The following CDC25C variants were observed in gnomAD, a reference collection of about 807,000 sequenced individuals.
CDC25C encodes cell division cycle 25C, also known as M-phase inducer phosphatase 3.
CDC25C carries 48 observed loss-of-function variants against 52.5 expected under a neutral mutation model. The ratio of observed to expected loss-of-function variants is 0.91; its 90% confidence interval spans 0.72 to 1.16. CDC25C has a LOEUF of 1.16. Ranked by LOEUF, CDC25C falls within the 50% of genes most tolerant of loss-of-function variation. CDC25C has a pLI of 0.00. For synonymous variants in CDC25C, 187 were observed against 206.5 expected, an observed-to-expected ratio of 0.91 and a Z score of 0.81; for missense variants, 510 against 566.1, an observed-to-expected ratio of 0.90 and a Z score of 1.01.
At chr5:138,289,855 A>G (rs1756562868) in intron 9 of CDC25C, among the ~76,000 whole-genome samples, 1 of 151,742 alleles carries the variant, frequency 6.6e-6, no homozygotes, top group Admixed American at 6.6e-5. Flanking sequence ...GGATTTATGA[A>G]GAAATTATGA....
rs1326585714 is a variant in CDC25C at position 138,316,210 on chromosome 5, C to G, written c.615+3009G>C. ...GGGGCCCAGGAAGGCCTCCCCACCACCCCCATATCCCCACTTCTCTCTGCT... is the reference window on the plus strand; with the variant it reads ...GGGGCCCAGGAAGGCCTCCCCACCAGCCCCATATCCCCACTTCTCTCTGCT... On this transcript the variant is annotated intron_variant, in intron 7 of 13. Transcript: ENST00000323760. 2.0e-5 allele frequency among the ~76,000 whole-genome samples: 3 copies of G among 152,216 alleles called. No homozygotes were observed. In the East Asian group the frequency reaches 5.8e-4, roughly 29 times the overall value.
At chr5:138,293,589 T>C (rs1005578812) in intron 7 of CDC25C, among the ~76,000 whole-genome samples, 1 of 151,930 alleles carries the variant, frequency 6.6e-6, no homozygotes, top group Non-Finnish European at 1.5e-5. Flanking sequence ...CACACCATAA[T>C]AATTATGCTA....
At chr5:138,318,158 G>A (rs11567980) in intron 7 of CDC25C, among the ~76,000 whole-genome samples, 45,736 of 151,840 alleles carry the variant, frequency 0.3, 7,716 homozygotes, top group South Asian at 0.45. Context: ...GCAAAACCCC[G>A]TCTCTACTAA....
At chr5:138,326,197 A>T (rs1759844310) in intron 4 of CDC25C, 143 bp from the exon 5 acceptor site, 2 of 839,074 alleles carry the variant, frequency 2.4e-6, no homozygotes, top group Admixed American at 3.7e-5. Context: ...ACAACAATAC[A>T]TAGGGTATTC....
chr5:138,299,383 C>T (rs975927727), intron 7 of CDC25C, among the ~76,000 whole-genome samples: 12 of 149,722 alleles, frequency 8.0e-5, no homozygotes, highest in Non-Finnish European at 1.6e-4. Flanking sequence ...GTAATCTCAA[C>T]TACTTGGGAG....
At chr5:138,296,920 T>C (rs1373094772) in intron 7 of CDC25C, among the ~76,000 whole-genome samples, 1 of 137,978 alleles carries the variant, frequency 7.2e-6, no homozygotes, top group Non-Finnish European at 1.6e-5. Flanking sequence ...TTTTTTTTTT[T>C]TTTTTTTTTA....
chr5:138,290,409 A>G (rs1756610054), intron 9 of CDC25C, among the ~76,000 whole-genome samples: 1 of 152,138 alleles, frequency 6.6e-6, no homozygotes, highest in African/African-American at 2.4e-5. Context: ...TTTTAAACAG[A>G]AAAAAGGTAA....
chr5:138,286,466 A>G, intron 12 of CDC25C, 31 bp downstream of exon 12: 1 of 1,586,746 alleles, frequency 6.3e-7, no homozygotes, highest in Non-Finnish European at 8.6e-7. Context: ...ATCCATTTCC[A>G]TCACCCGCCA....
intron 2 of CDC25C, 81 bp downstream of exon 2, chr5:138,330,906 A>G: frequency 1.0e-6 from 1 of 977,648 alleles, no homozygotes; most frequent in Non-Finnish European, 1.6e-6. Flanking sequence ...GAGCCGGGAT[A>G]ATTGAAAACA....
At chr5:138,292,684 T>A (rs1253359757) in intron 7 of CDC25C, among the ~76,000 whole-genome samples, 1 of 151,680 alleles carries the variant, frequency 6.6e-6, no homozygotes, top group African/African-American at 2.4e-5. Context: ...ATGAAACCCA[T>A]CAGGGAAAAA....
chr5:138,328,619 C>A, intron 3 of CDC25C, 90 bp from the exon 4 acceptor site: 1 of 1,065,052 alleles, frequency 9.4e-7, no homozygotes, highest in South Asian at 1.3e-5. Context: ...ACCAGTAAGC[C>A]GTATTAATTT....
intron 10 of CDC25C, among the ~76,000 whole-genome samples, chr5:138,287,888 AT>A (rs1756381708): frequency 6.6e-6 from 1 of 152,232 alleles, no homozygotes; most frequent in Non-Finnish European, 1.5e-5. Context: ...ATTGTTTTAT[AT>A]TATCAATATA....
In CDC25C at chr5:138,327,744, G is replaced by A. The variant is rs1031396286; in HGVS notation, c.335+740C>T. 5.3e-5 allele frequency among the ~76,000 whole-genome samples: 8 copies of A among 151,846 alleles called. No individual in the cohort carries two copies. In the South Asian group the frequency reaches 6.2e-4, roughly 12 times the overall value. On this transcript the variant is annotated intron_variant, in intron 4 of 13. Transcript: ENST00000323760. The stretch of plus-strand genomic sequence containing the variant: ...TGAGAAATGCTATTATTGTCTCCAC[G>A]TTACAAATAAAAAAAATTAAGGTCC...
At position 138,291,374 on chromosome 5, in the gene CDC25C, T is replaced by G. The variant is rs577207154; in HGVS notation, c.762+596A>C. 2.2e-3 allele frequency among the ~76,000 whole-genome samples: 333 copies of G among 152,082 alleles called. 1 individual carries two copies. Among genetic ancestry groups the G allele is most frequent in the Non-Finnish European group, 3.8e-3 (255 of 67,990 alleles). The stretch of plus-strand genomic sequence containing the variant: ...CAAAGTTCCCTTGTATTCTTTCAGA[T>G]CTTAAGAAAAAGGGTTGGGAAGACG... On this transcript the variant is annotated intron_variant, in intron 8 of 13. Coordinates refer to ENST00000323760, the MANE Select transcript of CDC25C (RefSeq NM_001790.5).
At chr5:138,312,899 C>T (rs937101211) in intron 7 of CDC25C, among the ~76,000 whole-genome samples, 1 of 151,966 alleles carries the variant, frequency 6.6e-6, no homozygotes, top group Admixed American at 6.6e-5. Context: ...CTGATACATG[C>T]TACAACACTG....
intron 6 of CDC25C, among the ~76,000 whole-genome samples, chr5:138,320,242 T>C (rs1372976537): frequency 6.6e-6 from 1 of 151,894 alleles, no homozygotes; most frequent in Non-Finnish European, 1.5e-5. Flanking sequence ...GAGGTGGAAG[T>C]TGCAGTGAGC....
At position 138,329,666 on chromosome 5, in the gene CDC25C, A is replaced by G. The variant is rs1760185658; in HGVS notation, c.195-19T>C. 1 of 1,366,530 alleles carries G rather than the reference A, an allele frequency of 7.3e-7. No individual in the cohort carries two copies. Among genetic ancestry groups the G allele is most frequent in the Non-Finnish European group, 1.0e-6 (1 of 959,686 alleles). The allele number at this position is 1,366,530 out of a possible 1,614,324, so 84.7% of individuals were successfully genotyped here. A position where few individuals can be genotyped will look rare whatever the true frequency, so the allele number is the denominator to read the frequency against. ...GGTTCCTCTGTTGAGACATAATAGTACATCGAAATTCCCATTAGATTATTA... is the reference window on the plus strand; with the variant it reads ...GGTTCCTCTGTTGAGACATAATAGTGCATCGAAATTCCCATTAGATTATTA... On this transcript the variant is annotated intron_variant, in intron 2 of 13. Coordinates refer to ENST00000323760, the MANE Select transcript of CDC25C (RefSeq NM_001790.5).
Position 138,285,822 on chromosome 5 carries a change from C to T in CDC25C, c.1292G>A (p.Ser431Asn). 1 of 1,614,188 alleles carries T rather than the reference C, an allele frequency of 6.2e-7. No homozygotes were observed. The highest frequency in any genetic ancestry group is 8.5e-7 in the Non-Finnish European group (1 of 1,180,022). ...PEYMELCEPQSYCPMHHQDHK... is the reference protein window; with the variant it reads ...PEYMELCEPQNYCPMHHQDHK... ...GTCCTGATGATGCATAGGGCAGTAG[C>T]TCTGTGGTTCACACAGTTCCTGAAA... is the stretch of plus-strand genomic sequence containing the variant. The change falls in exon 14 of 14, where the codon AGC becomes AAC. Residue 431 changes from serine (S) to asparagine (N), a missense_variant. Physicochemically the swap from Ser to Asn is conservative, Grantham distance 46. Coordinates refer to ENST00000323760, the MANE Select transcript of CDC25C (RefSeq NM_001790.5).
At chr5:138,320,636 A>G (rs1261774744) in intron 6 of CDC25C, among the ~76,000 whole-genome samples, 1 of 152,010 alleles carries the variant, frequency 6.6e-6, no homozygotes, top group Admixed American at 6.6e-5. Context: ...CCTGGGCAAC[A>G]TGGCAAAACC....
Sources: gnomAD v4.1 joint callset for allele counts (sites outside exome capture counted in the v4.1 genomes callset) on GRCh38, gnomAD v4.1.1 for gene constraint, MANE v1.5 for transcripts, NCBI Gene and HGNC (gene_info 2026-07-23, HGNC 2026-07-21) for gene names.